Variants in ERLIN1 observed in about 807,000 individuals in gnomAD.
ERLIN1 encodes the protein ER lipid raft associated 1, also known as erlin-1.
In ERLIN1, 24 loss-of-function variants were observed where a neutral mutation model predicts 46.9. The ratio of observed to expected loss-of-function variants is 0.51; its 90% CI spans 0.37 to 0.72. ERLIN1 has a LOEUF of 0.72. ERLIN1 is among the 30% of genes least tolerant of loss of function. ERLIN1 has a pLI of 0.00. For missense variants in ERLIN1, 293 were observed against 417.9 expected (o/e 0.70, Z 2.61); for synonymous variants, 158 against 143.2 (o/e 1.10, Z -0.74).
At position 100,185,585 on chromosome 10, in the gene ERLIN1, C is replaced by G; in HGVS notation, c.42G>C (p.Val14=). The stretch of plus-strand genomic sequence containing the variant: ...CGTAGAGCAGGACAGCCACCAACCC[C>G]ACCACTGCAGCCACCAGAACCCGGG... ...TQARVLVAAV[V]GLVAVLLYAS... Residue 14 remains valine, a synonymous_variant, in exon 1 of 11, where the codon GTG becomes GTC. Transcript: ENST00000421367. 1.2e-6 allele frequency: 2 copies of G among 1,614,058 alleles called. No homozygotes were observed. The highest frequency in any genetic ancestry group is 1.7e-6 in the Non-Finnish European group (2 of 1,179,896).
chr10:100,185,412 A>T, intron 1 of ERLIN1, 102 bp downstream of exon 1: 1 of 888,760 alleles, frequency 1.1e-6, no homozygotes, highest in Non-Finnish European at 1.8e-6. Context: ...GAGATGGGAC[A>T]TGCGCCCCCG....
chr10:100,171,050 G>A lies in ERLIN1; in HGVS notation c.504+3158C>T, dbSNP rs1262006569. 3.9e-5 allele frequency among the ~76,000 whole-genome samples: 6 copies of A among 152,206 alleles called. No homozygotes were observed. The East Asian group carries it at 1.2e-3, about 29-fold the overall frequency. ...CTTGCAACTGAGATCAAAATGGGTT[G>A]CAGATGAATTAAAAGATTTAAATCT... On this transcript the variant is annotated intron_variant, in intron 6 of 10. Coordinates refer to ENST00000421367, the MANE Select transcript of ERLIN1 (RefSeq NM_006459.4).
chr10:100,155,084 C>T, intron 9 of ERLIN1, 145 bp from the exon 10 acceptor site: 1 of 636,946 alleles, frequency 1.6e-6, no homozygotes, highest in Non-Finnish European at 2.8e-6. Context: ...AGTCCCCAAA[C>T]AGCAACTTCT....
chr10:100,154,770 T>C, intron 10 of ERLIN1, 90 bp downstream of exon 10: 1 of 1,005,344 alleles, frequency 9.9e-7, no homozygotes, highest in Non-Finnish European at 1.5e-6. Context: ...TGACAATGGA[T>C]AAAATCACTT....
Position 100,185,997 on chromosome 10 carries a change from G to A in ERLIN1, c.-371C>T. On this transcript the variant is annotated 5_prime_UTR_variant, in exon 1 of 11. Coordinates refer to ENST00000421367, the MANE Select transcript of ERLIN1 (RefSeq NM_006459.4). ...CGCATCGCCCCCGCCCGCACGTGCA[G>A]CCGACTCCCGCGCCGAGCCAACCGC... 1 of 425,524 alleles carries A rather than the reference G, an allele frequency of 2.4e-6. No homozygotes were observed. Among genetic ancestry groups the A allele is most frequent in the Non-Finnish European group, 4.1e-6 (1 of 242,506 alleles). 26.4% of individuals were successfully genotyped at this position (425,524 alleles called of 1,614,324 possible).
In ERLIN1 at chr10:100,155,513, T is replaced by A. The variant is rs550385358; in HGVS notation, c.746-574A>T. 1.7e-4 allele frequency among the ~76,000 whole-genome samples: 23 copies of A among 134,764 alleles called. 2 individuals are homozygous for A. The South Asian group carries it at 5.5e-3, about 32-fold the overall frequency. The allele number at this position is 134,764 out of a possible 152,430, so 88.4% of individuals were successfully genotyped here. On this transcript the variant is annotated intron_variant, in intron 9 of 10. Coordinates refer to ENST00000421367, the MANE Select transcript of ERLIN1 (RefSeq NM_006459.4). ...GGTCGTGATGGGGTTTATTTATTTT[T>A]AATTTTTTTTTTATTTTTTGAGACG... is the stretch of plus-strand genomic sequence containing the variant.
chr10:100,185,599 C>T lies in ERLIN1; in HGVS notation c.28G>A (p.Val10Met), dbSNP rs771262802. The change falls in exon 1 of 11, where the codon GTG becomes ATG. Residue 10 changes from valine to methionine, a missense_variant. Transcript: ENST00000421367. ...GCCACCAACCCCACCACTGCAGCCACCAGAACCCGGGCTTGAGTCATATTC... is the reference window on the plus strand; with the variant it reads ...GCCACCAACCCCACCACTGCAGCCATCAGAACCCGGGCTTGAGTCATATTC... MNMTQARVL[V>M]AAVVGLVAVL... The T allele has an allele frequency of 3.1e-6, 5 of 1,614,048 alleles. No individual in the cohort carries two copies. The East Asian group carries it at 1.1e-4, about 36-fold the overall frequency.
chr10:100,166,412 A>G (rs1395506107), intron 7 of ERLIN1, among the ~76,000 whole-genome samples: 1 of 152,034 alleles, frequency 6.6e-6, no homozygotes, highest in Non-Finnish European at 1.5e-5. Flanking sequence ...TGGGCAACAG[A>G]GCAAGACCTT....
In ERLIN1 at chr10:100,157,291, G is replaced by A. The variant is rs11190404; in HGVS notation, c.656-1057C>T. Among the ~76,000 whole-genome samples the A allele has an allele frequency of 8.7e-4, 132 of 152,236 alleles. 1 individual carries two copies. In the East Asian group the frequency reaches 0.024, roughly 27 times the overall value. On this transcript the variant is annotated intron_variant, in intron 8 of 10. Coordinates refer to ENST00000421367, the MANE Select transcript of ERLIN1 (RefSeq NM_006459.4). Reference sequence around the variant, plus strand: ...TGTAGGGAAATAAAGCAGAAAGCAGGGTGATTCATTTGAGAAGGTGAAAAC... The same window carrying A: ...TGTAGGGAAATAAAGCAGAAAGCAGAGTGATTCATTTGAGAAGGTGAAAAC...
In ERLIN1 at chr10:100,185,540, C is replaced by T; in HGVS notation, c.87G>A (p.Glu29=). The change falls in exon 1 of 11, where the codon GAG becomes GAA. Residue 29 remains glutamate, a synonymous_variant. Coordinates refer to ENST00000421367, the MANE Select transcript of ERLIN1 (RefSeq NM_006459.4). ...VLLYASIHKI[E]EGHLAVYYRG... ...TGTAGTACACAGCCAGATGGCCCTC[C>T]TCAATCTTGTGGATGGAGGCGTAGA... 1.2e-6 allele frequency: 2 copies of T among 1,613,920 alleles called. No homozygotes were observed. Among genetic ancestry groups the T allele is most frequent in the Non-Finnish European group, 1.7e-6 (2 of 1,179,762 alleles).
chr10:100,159,847 TA>T (rs1843267716), intron 8 of ERLIN1, among the ~76,000 whole-genome samples: 1 of 143,898 alleles, frequency 6.9e-6, no homozygotes, highest in African/African-American at 2.6e-5. Context: ...CTCAAGAAGT[TA>T]AAAAAGAACA....
At chr10:100,181,741 T>A (rs1191299228) in intron 2 of ERLIN1, among the ~76,000 whole-genome samples, 2 of 152,194 alleles carry the variant, frequency 1.3e-5, no homozygotes, top group African/African-American at 4.8e-5. Flanking sequence ...CTTGAACTCC[T>A]GACCTCAAGT....
At chr10:100,164,738 T>G (rs1843539262) in intron 7 of ERLIN1, among the ~76,000 whole-genome samples, 1 of 152,196 alleles carries the variant, frequency 6.6e-6, no homozygotes, top group African/African-American at 2.4e-5. Flanking sequence ...GAGCCCACAT[T>G]ATGACACAAG....
At position 100,164,104 on chromosome 10, in the gene ERLIN1, C is replaced by G; in HGVS notation, c.564-9G>C. On this transcript the variant is annotated splice_polypyrimidine_tract_variant and intron_variant, in intron 7 of 10. Coordinates refer to ENST00000421367, the MANE Select transcript of ERLIN1 (RefSeq NM_006459.4). ...TTGTCTTCTCAGCCTCCCTGTGAAG[C>G]AAAATGTTATAAAAATTAGAAATGA... 1 of 1,581,750 alleles carries G rather than the reference C, an allele frequency of 6.3e-7. No homozygotes were observed. The highest frequency in any genetic ancestry group is 1.3e-5 in the African/African-American group (1 of 74,338).
intron 6 of ERLIN1, among the ~76,000 whole-genome samples, chr10:100,170,393 T>C (rs1843921013): frequency 6.6e-6 from 1 of 152,202 alleles, no homozygotes; most frequent in Non-Finnish European, 1.5e-5. Context: ...CCTAAAACAA[T>C]GGAGATCTCT....
intron 9 of ERLIN1, among the ~76,000 whole-genome samples, chr10:100,155,660 G>A (rs1325795507): frequency 6.6e-5 from 10 of 151,896 alleles, no homozygotes; most frequent in East Asian, 1.9e-4. Flanking sequence ...GACTACAGGC[G>A]CCCGCCACCA....
In ERLIN1 at chr10:100,183,842, A is replaced by C; in HGVS notation, c.114-5T>G. On this transcript the variant is annotated splice_region_variant and splice_polypyrimidine_tract_variant and intron_variant, in intron 1 of 10. Transcript: ENST00000421367. Reference sequence around the variant, plus strand: ...CTAGTTAGTAAAGCTCCTCCCCTGCAAAAAGATGTTTCAATTTGACAAAAT... The same window carrying C: ...CTAGTTAGTAAAGCTCCTCCCCTGCCAAAAGATGTTTCAATTTGACAAAAT... The C allele has an allele frequency of 6.2e-7, 1 of 1,603,212 alleles. No individual in the cohort carries two copies. Among genetic ancestry groups the C allele is most frequent in the Non-Finnish European group, 8.5e-7 (1 of 1,173,336 alleles).
Position 100,185,996 on chromosome 10 carries a change from A to C in ERLIN1, c.-370T>G, listed in dbSNP as rs957652392. 18 of 426,152 alleles carry C rather than the reference A, an allele frequency of 4.2e-5. No individual in the cohort carries two copies. The highest frequency in any genetic ancestry group is 5.9e-4 in the Middle Eastern group (1 of 1,698). 26.4% of individuals were successfully genotyped at this position (426,152 alleles called of 1,614,324 possible). ...ACGCATCGCCCCCGCCCGCACGTGC[A>C]GCCGACTCCCGCGCCGAGCCAACCG... On this transcript the variant is annotated 5_prime_UTR_variant, in exon 1 of 11. Coordinates refer to ENST00000421367, the MANE Select transcript of ERLIN1 (RefSeq NM_006459.4).
At chr10:100,164,328 G>A (rs1160944977) in intron 7 of ERLIN1, among the ~76,000 whole-genome samples, 2 of 152,214 alleles carry the variant, frequency 1.3e-5, no homozygotes, top group South Asian at 4.1e-4. Context: ...TAGTACATTT[G>A]AATTTTAGTT....
Sources: allele counts gnomAD v4.1 joint callset (sites outside exome capture counted in the v4.1 genomes callset), GRCh38; gene constraint gnomAD v4.1.1; transcripts MANE v1.5; gene names NCBI Gene and HGNC (gene_info 2026-07-23, HGNC 2026-07-21).